LSAMP: variants seen among roughly 807,000 people sequenced by gnomAD.
LSAMP encodes the protein limbic system-associated membrane protein.
Under a neutral mutation model 38.6 loss-of-function variants are expected in LSAMP, and 7 were observed. The observed-to-expected ratio is 0.18, with a 90% CI of 0.10 to 0.34. The LOEUF (loss-of-function observed/expected upper bound fraction) is 0.34. LSAMP is among the 10% of genes least tolerant of loss of function. The pLI, the probability that LSAMP is intolerant of heterozygous loss-of-function variation, is 1.00. For missense variants in LSAMP, 313 were observed against 420.0 expected (o/e 0.75, Z 2.23); for synonymous variants, 154 against 166.8 (o/e 0.92, Z 0.59).
chr3:116,045,020 A>G (rs934242860), intron 2 of LSAMP, among the ~76,000 whole-genome samples: 1 of 152,230 alleles, frequency 6.6e-6, no homozygotes, highest in Admixed American at 6.5e-5. Flanking sequence ...ACGTTTTGAA[A>G]ATAGGATCAT....
At chr3:116,350,939 G>A (rs898016405) in intron 1 of LSAMP, among the ~76,000 whole-genome samples, 9 of 151,904 alleles carry the variant, frequency 5.9e-5, no homozygotes, top group African/African-American at 2.2e-4. Flanking sequence ...CTAAATTTGT[G>A]GATTTGGTAT....
At chr3:115,962,472 A>G (rs1938661016) in intron 3 of LSAMP, among the ~76,000 whole-genome samples, 2 of 152,338 alleles carry the variant, frequency 1.3e-5, no homozygotes, top group South Asian at 2.1e-4. Context: ...ACGAAGATCC[A>G]GGTGTGAGTC....
intron 1 of LSAMP, among the ~76,000 whole-genome samples, chr3:116,163,021 AG>A (rs1709936172): frequency 6.6e-6 from 1 of 152,054 alleles, no homozygotes; most frequent in African/African-American, 2.4e-5. Flanking sequence ...CTTGGGAAAG[AG>A]GGGCAACAGC....
At chr3:116,330,548 T>TCC (rs35136592) in intron 1 of LSAMP, among the ~76,000 whole-genome samples, 1 of 149,410 alleles carries the variant, frequency 6.7e-6, no homozygotes, top group Non-Finnish European at 1.5e-5. Context: ...ACCAGCATGC[T>TCC]CCCCCCCCCA....
chr3:116,133,647 G>A (rs749705125), intron 1 of LSAMP, among the ~76,000 whole-genome samples: 118 of 152,046 alleles, frequency 7.8e-4, no homozygotes, highest in Non-Finnish European at 1.5e-3. Context: ...TAATACCTAC[G>A]TAATTATTTC....
At chr3:116,328,555 AATG>A (rs1388343570) in intron 1 of LSAMP, among the ~76,000 whole-genome samples, 1 of 152,156 alleles carries the variant, frequency 6.6e-6, no homozygotes, top group Non-Finnish European at 1.5e-5. Context: ...TGTCATATAA[AATG>A]AGAACCATTT....
At chr3:116,069,734 A>C (rs562028179) in intron 2 of LSAMP, among the ~76,000 whole-genome samples, 61 of 152,348 alleles carry the variant, frequency 4.0e-4, no homozygotes, top group African/African-American at 1.4e-3. Flanking sequence ...TAGGGACATC[A>C]GAAAGAAACA....
chr3:116,190,100 C>G (rs920457142), intron 1 of LSAMP, among the ~76,000 whole-genome samples: 5 of 148,466 alleles, frequency 3.4e-5, no homozygotes, highest in Admixed American at 1.3e-4. Context: ...CACACACACA[C>G]ACACACACAC....
intron 1 of LSAMP, among the ~76,000 whole-genome samples, chr3:116,284,519 A>T (rs2047168704): frequency 6.6e-6 from 1 of 152,228 alleles, no homozygotes. Context: ...CTCCAAGGCT[A>T]CTATATCATA....
intron 1 of LSAMP, among the ~76,000 whole-genome samples, chr3:116,218,286 A>C (rs1010069646): frequency 6.6e-6 from 1 of 152,228 alleles, no homozygotes; most frequent in Non-Finnish European, 1.5e-5. Flanking sequence ...AAATGGATCA[A>C]TTATCAACAT....
chr3:116,224,897 C>T (rs572389975), intron 1 of LSAMP, among the ~76,000 whole-genome samples: 103 of 152,204 alleles, frequency 6.8e-4, no homozygotes, highest in African/African-American at 2.4e-3. Flanking sequence ...GTAAGCCTTG[C>T]CTATAGCAAG....
At chr3:115,829,166 A>T (rs1457754717) in intron 6 of LSAMP, among the ~76,000 whole-genome samples, 1 of 152,184 alleles carries the variant, frequency 6.6e-6, no homozygotes, top group African/African-American at 2.4e-5. Context: ...AGAGAACAAC[A>T]GTTTAGGAAA....
At chr3:116,329,596 T>A (rs1337794996) in intron 1 of LSAMP, among the ~76,000 whole-genome samples, 1 of 152,256 alleles carries the variant, frequency 6.6e-6, no homozygotes, top group Non-Finnish European at 1.5e-5. Flanking sequence ...AAATTACAAA[T>A]GAAGTATGGT....
At chr3:116,316,411 G>A (rs1183407981) in intron 1 of LSAMP, among the ~76,000 whole-genome samples, 4 of 152,148 alleles carry the variant, frequency 2.6e-5, no homozygotes, top group Non-Finnish European at 5.9e-5. Context: ...GATTATAAGT[G>A]ATTGTTGAAT....
At chr3:116,338,438 G>A (rs750713284) in intron 1 of LSAMP, among the ~76,000 whole-genome samples, 64 of 151,840 alleles carry the variant, frequency 4.2e-4, no homozygotes, top group African/African-American at 1.4e-3. Flanking sequence ...CCCATTCCAC[G>A]TATGGATAGT....
At chr3:116,178,795 G>A (rs1238417802) in intron 1 of LSAMP, among the ~76,000 whole-genome samples, 2 of 152,004 alleles carry the variant, frequency 1.3e-5, no homozygotes, top group Non-Finnish European at 2.9e-5. Flanking sequence ...TTAAATAAAA[G>A]GAATTCAGCA....
chr3:115,834,928 A>G (rs1934735179), intron 6 of LSAMP, among the ~76,000 whole-genome samples: 1 of 152,240 alleles, frequency 6.6e-6, no homozygotes, highest in East Asian at 1.9e-4. Flanking sequence ...GAGGGTATTT[A>G]TAATCGTGAT....
At chr3:116,315,197 T>C (rs904111466) in intron 1 of LSAMP, among the ~76,000 whole-genome samples, 5 of 152,204 alleles carry the variant, frequency 3.3e-5, no homozygotes, top group African/African-American at 1.2e-4. Context: ...AGTTTCTATC[T>C]ATCAGATTCT....
intron 1 of LSAMP, among the ~76,000 whole-genome samples, chr3:116,128,012 G>A (rs1486328831): frequency 6.6e-6 from 1 of 152,104 alleles, no homozygotes; most frequent in African/African-American, 2.4e-5. Context: ...CAAATTAGGT[G>A]ATTGGGACCC....
Sources: gnomAD v4.1 joint callset for allele counts (sites outside exome capture counted in the v4.1 genomes callset) on GRCh38, gnomAD v4.1.1 for gene constraint, MANE v1.5 for transcripts, NCBI Gene and HGNC (gene_info 2026-07-23, HGNC 2026-07-21) for gene names.